Variants in NEK11 observed in about 807,000 individuals in gnomAD.
The protein encoded by NEK11 is serine/threonine-protein kinase Nek11.
A neutral mutation model predicts 80.7 loss-of-function variants in NEK11; 72 were observed. That is an observed-to-expected ratio of 0.89 (90% CI 0.74 to 1.08). The LOEUF is 1.08. Ranked by LOEUF, NEK11 falls within the 50% of genes least tolerant of loss-of-function variation. NEK11 has a pLI of 0.00. For synonymous variants in NEK11, 251 were observed against 260.7 expected (o/e 0.96, Z 0.36); for missense variants, 764 against 763.6 (o/e 1.00, Z -0.01).
chr3:131,216,127 AAGCAAG>A (rs1296216944), intron 14 of NEK11, among the ~76,000 whole-genome samples: 1 of 152,252 alleles, frequency 6.6e-6, no homozygotes, highest in Non-Finnish European at 1.5e-5. Flanking sequence ...TGAAGTGGGA[AAGCAAG>A]AGTGAATTCA....
At position 131,124,160 on chromosome 3, in the gene NEK11, T is replaced by G. The variant is rs979680802; in HGVS notation, c.456-8585T>G. On this transcript the variant is annotated intron_variant, in intron 5 of 17. Coordinates refer to ENST00000383366, the MANE Select transcript of NEK11 (RefSeq NM_024800.5). ...ATGGCATGTCACTCCCCCCTTTTTT[T>G]GTCTTTTATAAGAGTAGGGAAGTAT... 2.6e-5 allele frequency among the ~76,000 whole-genome samples: 4 copies of G among 152,178 alleles called. No individual in the cohort carries two copies. The South Asian group carries it at 8.3e-4, about 31-fold the overall frequency.
intron 3 of NEK11, among the ~76,000 whole-genome samples, chr3:131,032,700 G>A (rs1010557715): frequency 6.6e-6 from 1 of 152,170 alleles, no homozygotes; most frequent in Admixed American, 6.5e-5. Context: ...CCTAATCTGA[G>A]CTTTGGTTTT....
At chr3:131,310,292 G>A (rs2096768579) in intron 17 of NEK11, among the ~76,000 whole-genome samples, 1 of 152,134 alleles carries the variant, frequency 6.6e-6, no homozygotes, top group East Asian at 1.9e-4. Context: ...AATGGATTGT[G>A]ATTAGGCTTA....
At chr3:131,234,596 A>G (rs2095396482) in intron 15 of NEK11, among the ~76,000 whole-genome samples, 1 of 152,058 alleles carries the variant, frequency 6.6e-6, no homozygotes, top group Non-Finnish European at 1.5e-5. Flanking sequence ...TGTTGCTCAA[A>G]GGAGAGACTT....
intron 3 of NEK11, among the ~76,000 whole-genome samples, chr3:131,059,655 A>C (rs1000292921): frequency 3.9e-5 from 6 of 152,194 alleles, no homozygotes; most frequent in African/African-American, 1.4e-4. Context: ...CAAAGTATGC[A>C]CACAATTGAC....
intron 3 of NEK11, among the ~76,000 whole-genome samples, chr3:131,071,259 C>CT (rs571793804): frequency 1.3e-3 from 195 of 152,068 alleles, no homozygotes; most frequent in African/African-American, 4.5e-3. Flanking sequence ...ATTTTTAGTA[C>CT]TTTTTTATCT....
intron 17 of NEK11, chr3:131,327,193 C>T (rs1283362110): frequency 1.3e-5 from 2 of 152,350 alleles, no homozygotes; most frequent in African/African-American, 4.8e-5. Flanking sequence ...TTCCACAAGT[C>T]TCTGCCCAGA....
At chr3:131,038,393 A>G (rs1017758224) in intron 3 of NEK11, among the ~76,000 whole-genome samples, 14 of 152,232 alleles carry the variant, frequency 9.2e-5, no homozygotes, top group African/African-American at 1.4e-4. Flanking sequence ...CAATCATGGT[A>G]ATGAAGTCAA....
intron 4 of NEK11, among the ~76,000 whole-genome samples, chr3:131,085,651 T>C (rs2075878767): frequency 6.6e-6 from 1 of 152,166 alleles, no homozygotes; most frequent in South Asian, 2.1e-4. Flanking sequence ...TGGAATGATG[T>C]GATAAAAGGC....
At position 131,323,538 on chromosome 3, in the gene NEK11, C is replaced by T. The variant is rs374235330; in HGVS notation, c.1719-26019C>T. Among the ~76,000 whole-genome samples the T allele has an allele frequency of 2.0e-4, 30 of 152,236 alleles. 1 individual carries two copies. Among genetic ancestry groups the T allele is most frequent in the African/African-American group, 5.5e-4 (23 of 41,526 alleles). On this transcript the variant is annotated intron_variant, in intron 17 of 17. Transcript: ENST00000383366. ...CTTTCTGGAATGCATGTCACATTTCCGGCCAGTGTTCTATAATAAACCCAT... is the reference window on the plus strand; with the variant it reads ...CTTTCTGGAATGCATGTCACATTTCTGGCCAGTGTTCTATAATAAACCCAT...
intron 16 of NEK11, among the ~76,000 whole-genome samples, chr3:131,272,794 G>A (rs952742219): frequency 5.3e-5 from 8 of 152,012 alleles, no homozygotes; most frequent in Non-Finnish European, 1.0e-4. Flanking sequence ...GCTTTTTAAT[G>A]GAAAGTAGTG....
chr3:131,080,777 T>G (rs558130123), intron 4 of NEK11, among the ~76,000 whole-genome samples, 189 bp downstream of exon 4: 1 of 151,942 alleles, frequency 6.6e-6, no homozygotes. Flanking sequence ...TAAGGAAGGG[T>G]TTTTCCCTCC....
intron 17 of NEK11, among the ~76,000 whole-genome samples, chr3:131,320,361 CA>C (rs1457293229): frequency 6.6e-6 from 1 of 152,096 alleles, no homozygotes; most frequent in African/African-American, 2.4e-5. Context: ...GGAGATCCAG[CA>C]AACTACCAAA....
In NEK11 at chr3:131,152,421, C is replaced by T; in HGVS notation, c.681C>T (p.Cys227=). The change falls in exon 8 of 18, where the codon TGC becomes TGT. Residue 227 remains cysteine, a synonymous_variant. Coordinates refer to ENST00000383366, the MANE Select transcript of NEK11 (RefSeq NM_024800.5). ...CATGCATTTTGTATGAGATGTGCTGCATGAATCATGCATTCGCTGGCTCCA... is the reference window on the plus strand; with the variant it reads ...CATGCATTTTGTATGAGATGTGCTGTATGAATCATGCATTCGCTGGCTCCA... ...SLACILYEMC[C]MNHAFAGSNF... 6.2e-7 allele frequency: 1 copy of T among 1,613,406 alleles called. No individual in the cohort carries two copies. Among genetic ancestry groups the T allele is most frequent in the South Asian group, 1.1e-5 (1 of 90,962 alleles).
intron 17 of NEK11, among the ~76,000 whole-genome samples, chr3:131,293,023 G>T (rs573066667): frequency 6.6e-6 from 1 of 151,888 alleles, no homozygotes; most frequent in Non-Finnish European, 1.5e-5. Context: ...ATAGACAATC[G>T]TGTCATCACT....
intron 7 of NEK11, among the ~76,000 whole-genome samples, chr3:131,134,558 G>A (rs1214670170): frequency 3.3e-5 from 5 of 151,862 alleles, no homozygotes; most frequent in East Asian, 1.9e-4. Context: ...CCACCACCAC[G>A]CCTGGCTAAT....
chr3:131,155,214 C>T (rs932360543), intron 10 of NEK11, 93 bp downstream of exon 10: 1 of 781,996 alleles, frequency 1.3e-6, no homozygotes, highest in Non-Finnish European at 2.1e-6. Context: ...CTGACTGCAT[C>T]GAGTATCCTA....
At chr3:131,130,875 C>T (rs1420340730) in intron 5 of NEK11, among the ~76,000 whole-genome samples, 1 of 152,174 alleles carries the variant, frequency 6.6e-6, no homozygotes, top group African/African-American at 2.4e-5. Flanking sequence ...GATCTCAGCT[C>T]ACTGCTACCT....
chr3:131,052,412 A>G (rs1256279597), intron 3 of NEK11, among the ~76,000 whole-genome samples: 1 of 152,230 alleles, frequency 6.6e-6, no homozygotes, highest in Non-Finnish European at 1.5e-5. Flanking sequence ...AAGATAAAAC[A>G]TAACATTTCA....
Sources: gnomAD v4.1 joint callset for allele counts (sites outside exome capture counted in the v4.1 genomes callset) on GRCh38, gnomAD v4.1.1 for gene constraint, MANE v1.5 for transcripts, NCBI Gene and HGNC (gene_info 2026-07-23, HGNC 2026-07-21) for gene names.